Variants in CWC27 observed in about 807,000 individuals in gnomAD.
CWC27 encodes the protein CWC27 spliceosome associated cyclophilin.
Under a neutral mutation model 63.6 loss-of-function variants are expected in CWC27, and 47 were observed. The ratio of observed to expected loss-of-function variants is 0.74; its 90% CI spans 0.58 to 0.94. CWC27 has a LOEUF of 0.94. Ranked by LOEUF, CWC27 falls within the 40% of genes least tolerant of loss-of-function variation. The probability of loss-of-function intolerance (pLI) is 0.00; values close to 1 mark genes in which losing one functional copy is unlikely to be tolerated. For missense variants in CWC27, 495 were observed against 554.3 expected (o/e 0.89, Z 1.07); for synonymous variants, 175 against 179.8 (o/e 0.97, Z 0.22).
At chr5:64,916,619 C>T (rs1461502854) in intron 11 of CWC27, among the ~76,000 whole-genome samples, 1 of 152,090 alleles carries the variant, frequency 6.6e-6, no homozygotes, top group Non-Finnish European at 1.5e-5. Flanking sequence ...TTCTTTCCAG[C>T]CTGTTTGAAC....
At chr5:64,981,264 A>C (rs1343972483) in intron 13 of CWC27, among the ~76,000 whole-genome samples, 1 of 152,234 alleles carries the variant, frequency 6.6e-6, no homozygotes, top group Non-Finnish European at 1.5e-5. Context: ...ATATTTTTAT[A>C]CATGTTAATT....
intron 10 of CWC27, among the ~76,000 whole-genome samples, chr5:64,848,983 C>T (rs1044173394): frequency 1.3e-5 from 2 of 152,070 alleles, no homozygotes; most frequent in African/African-American, 4.8e-5. Context: ...GAATTCCTTT[C>T]CAGAGCAGAC....
At chr5:64,977,355 A>T in intron 13 of CWC27, 117 bp downstream of exon 13, 1 of 625,696 alleles carries the variant, frequency 1.6e-6, no homozygotes, top group South Asian at 2.7e-5. Flanking sequence ...TCACCATTAT[A>T]GGACCTCGGC....
At chr5:64,924,960 CA>C (rs1328743791) in intron 11 of CWC27, among the ~76,000 whole-genome samples, 3 of 107,330 alleles carry the variant, frequency 2.8e-5, no homozygotes, top group Non-Finnish European at 7.1e-5. Flanking sequence ...TTCTTAGACA[CA>C]CACACACACA....
chr5:64,783,595 G>A (rs1024530972), intron 3 of CWC27, among the ~76,000 whole-genome samples: 3 of 152,170 alleles, frequency 2.0e-5, no homozygotes, highest in African/African-American at 7.2e-5. Flanking sequence ...TCTTCCTTTA[G>A]ATGTAACTAA....
chr5:64,927,608 T>C (rs1044879042), intron 11 of CWC27, among the ~76,000 whole-genome samples: 4 of 151,678 alleles, frequency 2.6e-5, no homozygotes, highest in African/African-American at 9.8e-5. Flanking sequence ...TCAGGAACTT[T>C]CCCTTCTCCT....
intron 11 of CWC27, among the ~76,000 whole-genome samples, chr5:64,968,081 A>G (rs1252608740): frequency 6.6e-6 from 1 of 152,092 alleles, no homozygotes; most frequent in Non-Finnish European, 1.5e-5. Flanking sequence ...GACAAAAAAA[A>G]TTAATAGACA....
At chr5:64,857,631 A>C (rs1490834438) in intron 10 of CWC27, among the ~76,000 whole-genome samples, 1 of 152,218 alleles carries the variant, frequency 6.6e-6, no homozygotes, top group Non-Finnish European at 1.5e-5. Flanking sequence ...GGTCATATAT[A>C]TCAGAATAGT....
At chr5:64,897,067 G>A (rs763435033) in intron 11 of CWC27, among the ~76,000 whole-genome samples, 2 of 152,056 alleles carry the variant, frequency 1.3e-5, no homozygotes, top group Non-Finnish European at 2.9e-5. Flanking sequence ...AAAAAAATTA[G>A]CCAGGTGTGG....
chr5:64,952,249 A>G (rs961756187), intron 11 of CWC27, among the ~76,000 whole-genome samples: 1 of 152,072 alleles, frequency 6.6e-6, no homozygotes, highest in African/African-American at 2.4e-5. Context: ...TGTTTAATAC[A>G]GAAACATTTT....
intron 10 of CWC27, among the ~76,000 whole-genome samples, chr5:64,863,438 C>T (rs1488805606): frequency 6.6e-6 from 1 of 151,820 alleles, no homozygotes; most frequent in Non-Finnish European, 1.5e-5. Flanking sequence ...CCCACCTTTC[C>T]TCTCCCCTAC....
intron 13 of CWC27, among the ~76,000 whole-genome samples, chr5:64,988,896 G>A (rs565748142): frequency 1.6e-4 from 24 of 152,254 alleles, no homozygotes; most frequent in Admixed American, 5.2e-4. Flanking sequence ...GAACCACCAC[G>A]CCAAGCCTAG....
At chr5:64,770,544 A>T (rs568952475) in intron 1 of CWC27, among the ~76,000 whole-genome samples, 71 of 152,298 alleles carry the variant, frequency 4.7e-4, no homozygotes, top group African/African-American at 1.7e-3. Flanking sequence ...CATGCCTTGC[A>T]TCCCAGCAGT....
chr5:64,971,906 A>G, intron 12 of CWC27, 94 bp downstream of exon 12: 1 of 636,812 alleles, frequency 1.6e-6, no homozygotes, highest in Non-Finnish European at 2.6e-6. Flanking sequence ...ATATATCAGG[A>G]GAAGCACTAC....
intron 11 of CWC27, among the ~76,000 whole-genome samples, chr5:64,907,967 A>G (rs1356101718): frequency 6.6e-6 from 1 of 151,990 alleles, no homozygotes; most frequent in Non-Finnish European, 1.5e-5. Context: ...AGTTCTTTTA[A>G]TTGTGATGTT....
At chr5:64,891,107 G>T (rs1184528990) in intron 11 of CWC27, among the ~76,000 whole-genome samples, 1 of 152,142 alleles carries the variant, frequency 6.6e-6, no homozygotes, top group African/African-American at 2.4e-5. Flanking sequence ...ATCTTTAAAA[G>T]ATAAAGTTAT....
intron 10 of CWC27, among the ~76,000 whole-genome samples, chr5:64,838,471 A>G (rs1052847270): frequency 2.0e-5 from 3 of 152,150 alleles, no homozygotes; most frequent in Non-Finnish European, 4.4e-5. Flanking sequence ...TTAAGTCACT[A>G]TTCTATAAGA....
chr5:64,860,841 T>C (rs11749214), intron 10 of CWC27, among the ~76,000 whole-genome samples: 45,446 of 152,088 alleles, frequency 0.3, 7,148 homozygotes, highest in East Asian at 0.51. Context: ...TGGTATGTTA[T>C]CATCATACAA....
chr5:64,933,553 C>T (rs1748282958), intron 11 of CWC27, among the ~76,000 whole-genome samples: 1 of 147,034 alleles, frequency 6.8e-6, no homozygotes, highest in Non-Finnish European at 1.5e-5. Flanking sequence ...AGTACAGTGG[C>T]GCGATCTCGG....
Sources: gnomAD v4.1 joint callset for allele counts (sites outside exome capture counted in the v4.1 genomes callset) on GRCh38, gnomAD v4.1.1 for gene constraint, MANE v1.5 for transcripts, NCBI Gene and HGNC (gene_info 2026-07-23, HGNC 2026-07-21) for gene names.